GPHN: variants seen among roughly 807,000 people sequenced by gnomAD.
GPHN encodes gephyrin.
A neutral mutation model predicts 95.5 loss-of-function variants in GPHN; 17 were observed. The ratio of observed to expected loss-of-function variants is 0.18; its 90% CI spans 0.12 to 0.27. The LOEUF is 0.27. Among genes scored for constraint, GPHN ranks in the 10% least tolerant of loss-of-function variants. The probability of loss-of-function intolerance (pLI) is 1.00; values close to 1 mark genes in which losing one functional copy is unlikely to be tolerated. For synonymous variants in GPHN, 320 were observed against 322.5 expected, an observed-to-expected ratio of 0.99 and a Z score of 0.08; for missense variants, 660 against 978.1, an observed-to-expected ratio of 0.67 and a Z score of 4.34.
At chr14:67,391,889 A>G in the GPHN span, among the ~76,000 whole-genome samples, 2 of 152,250 alleles carry the variant, frequency 1.3e-5, no homozygotes, top group East Asian at 3.9e-4. Context: ...TGGTGGAGAA[A>G]ATTGTTTTTA....
intron 1 of GPHN, among the ~76,000 whole-genome samples, chr14:66,510,142 T>C (rs1000113642): frequency 1.3e-5 from 2 of 152,214 alleles, no homozygotes; most frequent in African/African-American, 4.8e-5. Flanking sequence ...AAGATTCAGT[T>C]GTATTTCAGA....
intron 4 of GPHN, among the ~76,000 whole-genome samples, chr14:66,847,984 G>A (rs1291835616): frequency 6.6e-6 from 1 of 151,914 alleles, no homozygotes; most frequent in Non-Finnish European, 1.5e-5. Context: ...AGACTGTTTG[G>A]TGCAAAGATC....
chr14:67,446,173 G>A, the GPHN span: 11 of 399,882 alleles, frequency 2.8e-5, no homozygotes, highest in Admixed American at 1.3e-4. Context: ...TGCACTCGGC[G>A]CCTTTGGGCA....
the GPHN span, among the ~76,000 whole-genome samples, chr14:67,581,377 T>A: frequency 6.6e-6 from 1 of 151,608 alleles, no homozygotes; most frequent in Non-Finnish European, 1.5e-5. Flanking sequence ...ATGCAAAAAT[T>A]AGCTGGGCAT....
At chr14:67,282,040 T>C in the GPHN span, among the ~76,000 whole-genome samples, 2 of 152,178 alleles carry the variant, frequency 1.3e-5, no homozygotes, top group Non-Finnish European at 2.9e-5. Context: ...AAGATGTATT[T>C]TGAGAAATAA....
the GPHN span, among the ~76,000 whole-genome samples, chr14:67,425,400 C>T: frequency 1.3e-5 from 2 of 152,032 alleles, no homozygotes; most frequent in African/African-American, 4.8e-5. Context: ...AAAATTAGCC[C>T]GGTGTGGTGG....
chr14:66,995,151 A>G (rs2071701072), intron 9 of GPHN, among the ~76,000 whole-genome samples: 1 of 152,214 alleles, frequency 6.6e-6, no homozygotes, highest in Non-Finnish European at 1.5e-5. Flanking sequence ...ACTTCATCTT[A>G]CATGGCATTG....
chr14:67,193,000 A>T, the GPHN span, among the ~76,000 whole-genome samples: 1 of 145,792 alleles, frequency 6.9e-6, no homozygotes, highest in Non-Finnish European at 1.5e-5. Context: ...ATATATCTCT[A>T]TATATCAATA....
chr14:67,235,435 G>A, the GPHN span, among the ~76,000 whole-genome samples: 1 of 151,998 alleles, frequency 6.6e-6, no homozygotes, highest in African/African-American at 2.4e-5. Context: ...ATTTCTCAGG[G>A]CCAGGCGCGG....
chr14:66,959,850 C>T (rs777990565), intron 8 of GPHN, among the ~76,000 whole-genome samples: 2 of 152,034 alleles, frequency 1.3e-5, no homozygotes, highest in Non-Finnish European at 2.9e-5. Flanking sequence ...TCTGGGACCA[C>T]CATTAATCAT....
the GPHN span, among the ~76,000 whole-genome samples, chr14:67,450,401 G>T: frequency 6.6e-6 from 1 of 152,202 alleles, no homozygotes; most frequent in Admixed American, 6.5e-5. Context: ...GGGCTCAGAA[G>T]AAGACAGAAA....
chr14:67,422,191 C>T, the GPHN span, among the ~76,000 whole-genome samples: 1 of 152,132 alleles, frequency 6.6e-6, no homozygotes, highest in Non-Finnish European at 1.5e-5. Context: ...AGGTATCAGG[C>T]AACTAGGGAC....
intron 12 of GPHN, among the ~76,000 whole-genome samples, chr14:67,094,327 G>A (rs528107064): frequency 1.3e-5 from 2 of 152,204 alleles, no homozygotes; most frequent in South Asian, 4.1e-4. Flanking sequence ...GGAATAAGAA[G>A]GAACAGCTTC....
intron 13 of GPHN, 89 bp downstream of exon 13, chr14:67,101,000 G>A (rs2077670727): frequency 1.3e-6 from 1 of 786,984 alleles, no homozygotes; most frequent in East Asian, 2.5e-5. Context: ...CAGTTTAGTG[G>A]AAATTAGAGA....
At chr14:67,540,983 T>G in the GPHN span, among the ~76,000 whole-genome samples, 5 of 152,212 alleles carry the variant, frequency 3.3e-5, no homozygotes, top group East Asian at 9.6e-4. Flanking sequence ...GTTCTGAATT[T>G]GTACAAATTT....
chr14:66,723,124 A>G (rs931022973), intron 2 of GPHN, among the ~76,000 whole-genome samples: 25 of 152,106 alleles, frequency 1.6e-4, no homozygotes, highest in Admixed American at 1.3e-3. Flanking sequence ...ACAATCGTAG[A>G]TCACTGTAAC....
intron 2 of GPHN, among the ~76,000 whole-genome samples, chr14:66,688,288 G>T (rs2067533925): frequency 6.6e-6 from 1 of 152,148 alleles, no homozygotes; most frequent in African/African-American, 2.4e-5. Flanking sequence ...AGTTGGTTTT[G>T]CTGTCTCAGG....
chr14:66,610,108 C>A (rs921954369), intron 1 of GPHN, among the ~76,000 whole-genome samples: 2 of 152,028 alleles, frequency 1.3e-5, no homozygotes, highest in African/African-American at 4.8e-5. Context: ...GGCTTCTTTT[C>A]TAAGTGTTTT....
At chr14:66,679,885 G>A (rs1332092616) in intron 1 of GPHN, among the ~76,000 whole-genome samples, 1 of 151,874 alleles carries the variant, frequency 6.6e-6, no homozygotes, top group Non-Finnish European at 1.5e-5. Flanking sequence ...TCATCTGTGG[G>A]TCTGTTTATA....
Sources: gnomAD v4.1 joint callset for allele counts (sites outside exome capture counted in the v4.1 genomes callset) on GRCh38, gnomAD v4.1.1 for gene constraint, MANE v1.5 for transcripts, NCBI Gene and HGNC (gene_info 2026-07-23, HGNC 2026-07-21) for gene names.